Variants in FRMD6 observed in about 807,000 individuals in gnomAD.
The protein encoded by FRMD6 is FERM domain-containing protein 6.
A neutral mutation model predicts 73.2 loss-of-function variants in FRMD6; 37 were observed. The observed-to-expected ratio is 0.51, with a 90% confidence interval of 0.39 to 0.66. The LOEUF (loss-of-function observed/expected upper bound fraction) is 0.66, where lower values mean the gene tolerates loss of function less well. Among genes scored for constraint, FRMD6 ranks in the 30% least tolerant of loss-of-function variants. FRMD6 has a pLI of 0.00. For synonymous variants in FRMD6, 273 were observed against 282.2 expected (o/e 0.97, Z 0.33); for missense variants, 714 against 780.5 (o/e 0.91, Z 1.02).
At chr14:51,546,577 C>T (rs1387175406) in intron 1 of FRMD6, 15 of 115,970 alleles carry the variant, frequency 1.3e-4, no homozygotes, top group Non-Finnish European at 2.3e-4. Context: ...TGTTCCCCCT[C>T]CCCATCAAAA....
the FRMD6 span, among the ~76,000 whole-genome samples, chr14:51,414,137 G>T: frequency 1.3e-5 from 2 of 152,060 alleles, no homozygotes; most frequent in Non-Finnish European, 2.9e-5. Flanking sequence ...TCTTTTGCCA[G>T]GCAGAAGCTC....
At chr14:51,513,459 G>A (rs1884432849) in intron 1 of FRMD6, among the ~76,000 whole-genome samples, 1 of 152,150 alleles carries the variant, frequency 6.6e-6, no homozygotes, top group South Asian at 2.1e-4. Context: ...GCCATTGACA[G>A]CTACTAAGTC....
chr14:51,650,402 T>TTG, upstream of FRMD6: 1 of 147,154 alleles, frequency 6.8e-6, no homozygotes, highest in Middle Eastern at 3.4e-3. Context: ...TTTTTTTTTT[T>TTG]TTTTTTTTTT....
intron 1 of FRMD6, among the ~76,000 whole-genome samples, chr14:51,511,111 C>T (rs895763030): frequency 1.3e-5 from 2 of 152,104 alleles, no homozygotes; most frequent in East Asian, 3.8e-4. Context: ...AGCCTACTCC[C>T]CAGTGGCTAT....
the FRMD6 span, among the ~76,000 whole-genome samples, chr14:51,480,235 C>T: frequency 6.6e-6 from 1 of 152,142 alleles, no homozygotes; most frequent in Non-Finnish European, 1.5e-5. Context: ...AGCACAGTTG[C>T]ATTTTGGGAT....
At position 51,727,661 on chromosome 14, in the gene FRMD6, T is replaced by G. The variant is rs184877004; in HGVS notation, c.1585-84T>G. ...AACATGTAAGGATTACTTAACCTTT[T>G]GTGGTTCTGTAGCATCTCTCTTTAC... On this transcript the variant is annotated intron_variant, in intron 13 of 13. Transcript: ENST00000344768. 32 of 1,318,722 alleles carry G rather than the reference T, an allele frequency of 2.4e-5. No individual in the cohort carries two copies. In the African/African-American group the frequency reaches 3.8e-4, roughly 16 times the overall value. 81.7% of individuals were successfully genotyped at this position (1,318,722 alleles called of 1,614,324 possible).
chr14:51,577,926 A>G (rs908790739), intron 2 of FRMD6, among the ~76,000 whole-genome samples: 7 of 152,140 alleles, frequency 4.6e-5, no homozygotes, highest in Non-Finnish European at 1.0e-4. Flanking sequence ...CGTTGCCTCA[A>G]TTTGTTCATC....
At chr14:51,692,854 A>G (rs541096599) in intron 2 of FRMD6, 1 of 152,270 alleles carries the variant, frequency 6.6e-6, no homozygotes, top group East Asian at 1.9e-4. Context: ...ATGCCGATGT[A>G]GTGAGTCTGA....
intron 1 of FRMD6, among the ~76,000 whole-genome samples, chr14:51,494,980 C>T (rs989593268): frequency 1.3e-5 from 2 of 152,208 alleles, no homozygotes; most frequent in Admixed American, 1.3e-4. Context: ...TTCAGCTCTG[C>T]TTCCATCTGG....
intron 1 of FRMD6, among the ~76,000 whole-genome samples, chr14:51,527,358 T>C (rs1457830243): frequency 1.3e-5 from 2 of 152,212 alleles, no homozygotes; most frequent in African/African-American, 4.8e-5. Flanking sequence ...TTTACATGAA[T>C]GAATAAACTG....
intron 1 of FRMD6, among the ~76,000 whole-genome samples, chr14:51,674,218 A>T (rs193120878): frequency 6.6e-6 from 1 of 152,322 alleles, no homozygotes; most frequent in East Asian, 1.9e-4. Context: ...CACTATGAGG[A>T]GCAACACCAT....
chr14:51,692,938 A>G (rs1895704945), intron 2 of FRMD6: 1 of 152,196 alleles, frequency 6.6e-6, no homozygotes, highest in Admixed American at 6.5e-5. Context: ...GCAAAGATCT[A>G]TGTGCCAGCA....
chr14:51,423,511 G>A, the FRMD6 span, among the ~76,000 whole-genome samples: 1 of 152,158 alleles, frequency 6.6e-6, no homozygotes, highest in African/African-American at 2.4e-5. Context: ...GAGCTCCTGA[G>A]ATGGCTCACC....
chr14:51,590,183 T>C (rs1398570102), intron 2 of FRMD6, among the ~76,000 whole-genome samples: 1 of 152,062 alleles, frequency 6.6e-6, no homozygotes, highest in Non-Finnish European at 1.5e-5. Context: ...TCCCAATAAA[T>C]TGAAAACATT....
chr14:51,688,932 A>G (rs117286548), intron 1 of FRMD6, among the ~76,000 whole-genome samples: 56 of 152,372 alleles, frequency 3.7e-4, no homozygotes, highest in Non-Finnish European at 7.2e-4. Context: ...AATACAGTTA[A>G]TATGTTTAAT....
the FRMD6 span, among the ~76,000 whole-genome samples, chr14:51,428,933 A>ACAGAGGGG: frequency 1.4e-5 from 2 of 138,852 alleles, no homozygotes; most frequent in Non-Finnish European, 3.1e-5. Context: ...AGGGGGAGAG[A>ACAGAGGGG]GAGAGAAGGG....
At chr14:51,719,384 C>G (rs187399454) in intron 10 of FRMD6, among the ~76,000 whole-genome samples, 20 of 152,334 alleles carry the variant, frequency 1.3e-4, no homozygotes, top group African/African-American at 4.8e-4. Flanking sequence ...TAAAGCCTCA[C>G]TAATTCAGCC....
intron 1 of FRMD6, among the ~76,000 whole-genome samples, chr14:51,683,691 A>G (rs984434489): frequency 2.6e-5 from 4 of 152,154 alleles, no homozygotes; most frequent in African/African-American, 9.7e-5. Context: ...TTAGGCGGCC[A>G]ATACTACAGA....
chr14:51,675,761 A>G (rs150868980), intron 1 of FRMD6, among the ~76,000 whole-genome samples: 178 of 151,822 alleles, frequency 1.2e-3, no homozygotes, highest in Non-Finnish European at 1.9e-3. Context: ...CTCACTTTGC[A>G]TCATTCTGCA....
Sources: allele counts gnomAD v4.1 joint callset (sites outside exome capture counted in the v4.1 genomes callset), GRCh38; gene constraint gnomAD v4.1.1; transcripts MANE v1.5; gene names NCBI Gene and HGNC (gene_info 2026-07-23, HGNC 2026-07-21).